The following FANCI variants were observed in gnomAD, a reference collection of about 807,000 sequenced individuals.
FANCI encodes FA complementation group I.
In FANCI, 156 loss-of-function variants were observed where a neutral mutation model predicts 176.1. The observed-to-expected ratio is 0.89, with a 90% CI of 0.78 to 1.01. The LOEUF (loss-of-function observed/expected upper bound fraction) is 1.01. Ranked by LOEUF, FANCI falls within the 50% of genes least tolerant of loss-of-function variation. FANCI has a pLI of 0.00. For synonymous variants in FANCI, 613 were observed against 541.7 expected, an observed-to-expected ratio of 1.13 and a Z score of -1.83; for missense variants, 1,678 against 1,534.1, an observed-to-expected ratio of 1.09 and a Z score of -1.57.
At chr15:89,309,375 C>G (rs965805775) in intron 34 of FANCI, among the ~76,000 whole-genome samples, 1 of 151,376 alleles carries the variant, frequency 6.6e-6, no homozygotes, top group Admixed American at 6.6e-5. Context: ...TGAGACAGTC[C>G]TCAAAAAAAA....
At chr15:89,291,819 C>A in intron 20 of FANCI, 105 bp downstream of exon 20, 1 of 891,744 alleles carries the variant, frequency 1.1e-6, no homozygotes, top group Non-Finnish European at 1.9e-6. Flanking sequence ...CTGGTTCTTC[C>A]AATGAATGTT....
At chr15:89,261,545 G>T (rs754697316) in intron 4 of FANCI, 40 bp from the exon 5 acceptor site, 1 of 1,611,268 alleles carries the variant, frequency 6.2e-7, no homozygotes, top group Non-Finnish European at 8.5e-7. Context: ...TCAAACATTG[G>T]ATTTCTGCTT....
intron 36 of FANCI, 82 bp downstream of exon 36, chr15:89,314,789 G>T (rs540517540): frequency 2.1e-6 from 2 of 973,546 alleles, no homozygotes; most frequent in African/African-American, 1.6e-5. Flanking sequence ...CAACTACAAT[G>T]GAGGAAAAGA....
At chr15:89,313,957 G>T (rs1340114469) in intron 35 of FANCI, among the ~76,000 whole-genome samples, 1 of 130,572 alleles carries the variant, frequency 7.7e-6, no homozygotes, top group African/African-American at 3.0e-5. Flanking sequence ...TTCACGTTAG[G>T]GGGAAAGATA....
intron 1 of FANCI, among the ~76,000 whole-genome samples, chr15:89,247,055 C>G (rs1178876000): frequency 5.3e-5 from 8 of 150,426 alleles, no homozygotes; most frequent in Admixed American, 5.3e-4. Flanking sequence ...AGGCATGAGC[C>G]ACGGTGCCGG....
At position 89,247,619 on chromosome 15, in the gene FANCI, T is replaced by C. The variant is rs141830766; in HGVS notation, c.-19-10T>C. On this transcript the variant is annotated splice_polypyrimidine_tract_variant and intron_variant, in intron 1 of 37. Transcript: ENST00000310775. ...AATCTTCACCCACCTCTGACGTTTTTCCCTTGTAGTTCTGTGATATGAGCA... is the reference window on the plus strand; with the variant it reads ...AATCTTCACCCACCTCTGACGTTTTCCCCTTGTAGTTCTGTGATATGAGCA... 1,287 of 1,597,268 alleles carry C rather than the reference T, an allele frequency of 8.1e-4. 10 individuals are homozygous for C. The African/African-American group carries it at 0.015, about 19-fold the overall frequency.
intron 2 of FANCI, among the ~76,000 whole-genome samples, chr15:89,257,871 C>T (rs2052562537): frequency 1.3e-5 from 2 of 152,184 alleles, no homozygotes; most frequent in Admixed American, 6.5e-5. Context: ...ACTCATTCTC[C>T]ACACAAGGAG....
At chr15:89,308,698 A>G (rs980110946) in intron 34 of FANCI, among the ~76,000 whole-genome samples, 4 of 152,170 alleles carry the variant, frequency 2.6e-5, no homozygotes, top group African/African-American at 2.4e-5. Flanking sequence ...TAATTGCAGC[A>G]CTTTGGGAGG....
At chr15:89,303,146 C>CTT (rs2151886578) in intron 27 of FANCI, among the ~76,000 whole-genome samples, 1 of 152,332 alleles carries the variant, frequency 6.6e-6, no homozygotes, top group South Asian at 2.1e-4. Context: ...GCACGGTATT[C>CTT]TGAAGATCTT....
chr15:89,278,751 C>T lies in FANCI; in HGVS notation c.1358C>T (p.Ser453Phe). The stretch of plus-strand genomic sequence containing the variant: ...CTCAACAGGGTTGTTACCAGAGCAT[C>T]TTCTCCCATCAGTCATTTCTTAGGT... Reference protein sequence around the residue: ...QVLNRVVTRASSPISHFLDLL... With the variant: ...QVLNRVVTRAFSPISHFLDLL... The change falls in exon 14 of 38, where the codon TCT (serine) becomes TTT (phenylalanine). Residue 453 changes from serine (S) to phenylalanine (F), a missense_variant. Physicochemically the swap from Ser to Phe is radical, Grantham distance 155. This residue lies in a region of FANCI where 1,204 missense variants were observed against 1,077.4 expected (regional missense o/e 1.12). Transcript: ENST00000310775. 1.9e-6 allele frequency: 3 copies of T among 1,613,574 alleles called. No individual in the cohort carries two copies. The South Asian group carries it at 3.3e-5, about 18-fold the overall frequency.
chr15:89,273,733 A>G (rs539191064), intron 11 of FANCI, among the ~76,000 whole-genome samples: 4 of 141,228 alleles, frequency 2.8e-5, no homozygotes, highest in Non-Finnish European at 6.5e-5. Context: ...GAGTGGAAGG[A>G]TACCACACAG....
chr15:89,273,881 T>A (rs1025482414), intron 11 of FANCI, among the ~76,000 whole-genome samples: 1 of 152,206 alleles, frequency 6.6e-6, no homozygotes, highest in African/African-American at 2.4e-5. Context: ...GTGGGTAATA[T>A]TTATATTGAC....
At chr15:89,261,506 CAA>C in intron 4 of FANCI, 77 bp from the exon 5 acceptor site, 1 of 1,567,570 alleles carries the variant, frequency 6.4e-7, no homozygotes, top group South Asian at 1.1e-5. Flanking sequence ...TTTATTTCAG[CAA>C]AAGACTTTAT....
At chr15:89,279,718 C>G (rs2053543083) in intron 14 of FANCI, among the ~76,000 whole-genome samples, 1 of 152,184 alleles carries the variant, frequency 6.6e-6, no homozygotes, top group South Asian at 2.1e-4. Flanking sequence ...GCATGGTTCT[C>G]CAGGTCCTGG....
intron 27 of FANCI, among the ~76,000 whole-genome samples, chr15:89,303,240 A>C (rs949027835): frequency 6.6e-6 from 1 of 152,190 alleles, no homozygotes; most frequent in Non-Finnish European, 1.5e-5. Flanking sequence ...TTTGTTAGTC[A>C]TTTACACTTA....
At chr15:89,262,931 T>A (rs1285959349) in intron 6 of FANCI, among the ~76,000 whole-genome samples, 2 of 152,226 alleles carry the variant, frequency 1.3e-5, no homozygotes, top group Non-Finnish European at 2.9e-5. Context: ...GGAATCTTGC[T>A]TTATTGGCCA....
intron 2 of FANCI, among the ~76,000 whole-genome samples, chr15:89,252,696 C>T (rs548581723): frequency 9.5e-4 from 144 of 152,228 alleles, no homozygotes; most frequent in South Asian, 4.8e-3. Context: ...GCTGAGATCA[C>T]GCCACTGTAC....
At chr15:89,261,958 C>CTA (rs2052728570) in intron 6 of FANCI, 80 bp downstream of exon 6, 3 of 1,297,996 alleles carry the variant, frequency 2.3e-6, no homozygotes. Flanking sequence ...GAATTTATGT[C>CTA]TGGAGGTTTT....
chr15:89,248,170 G>T (rs1772572492), intron 2 of FANCI, among the ~76,000 whole-genome samples: 1 of 152,104 alleles, frequency 6.6e-6, no homozygotes, highest in South Asian at 2.1e-4. Context: ...AAAAATTAGG[G>T]CCTCTGTTTT....
Sources: allele counts gnomAD v4.1 joint callset (sites outside exome capture counted in the v4.1 genomes callset), GRCh38; gene constraint gnomAD v4.1.1; regional missense constraint gnomAD v4.1.1; transcripts MANE v1.5; gene names NCBI Gene and HGNC (gene_info 2026-07-23, HGNC 2026-07-21).